Variants in NDST4 observed in about 807,000 individuals in gnomAD.
The protein encoded by NDST4 is N-heparan sulfate sulfotransferase 4.
In NDST4, 63 loss-of-function variants were observed where a neutral mutation model predicts 100.8. The ratio of observed to expected loss-of-function variants is 0.62; its 90% CI spans 0.51 to 0.77. The LOEUF (loss-of-function observed/expected upper bound fraction) is 0.77. Among genes scored for constraint, NDST4 ranks in the 30% least tolerant of loss-of-function variants. The pLI, the probability that NDST4 is intolerant of heterozygous loss-of-function variation, is 0.00. For synonymous variants in NDST4, 377 were observed against 361.8 expected (o/e 1.04, Z -0.48); for missense variants, 943 against 1,018.4 (o/e 0.93, Z 1.01).
At chr4:115,020,703 A>G (rs1393187763) in intron 2 of NDST4, among the ~76,000 whole-genome samples, 3 of 151,992 alleles carry the variant, frequency 2.0e-5, no homozygotes, top group Non-Finnish European at 4.4e-5. Flanking sequence ...CAATGAAGTC[A>G]AACAAATTAG....
chr4:115,065,648 ACAACTC>A (rs1210725344), intron 2 of NDST4, among the ~76,000 whole-genome samples: 1 of 152,056 alleles, frequency 6.6e-6, no homozygotes, highest in Non-Finnish European at 1.5e-5. Flanking sequence ...TCTCCTCAAA[ACAACTC>A]CCTGGTTCAA....
chr4:114,859,886 T>G (rs1361178190), intron 7 of NDST4, among the ~76,000 whole-genome samples: 1 of 152,230 alleles, frequency 6.6e-6, no homozygotes, highest in Non-Finnish European at 1.5e-5. Context: ...TCTTAAATCA[T>G]TTGCAATGGA....
intron 2 of NDST4, among the ~76,000 whole-genome samples, chr4:115,063,019 T>C (rs973426986): frequency 2.0e-5 from 3 of 151,954 alleles, no homozygotes; most frequent in East Asian, 1.9e-4. Context: ...GCTAAGAATA[T>C]GATACACTTG....
At chr4:115,078,143 G>A (rs1366257840) in intron 1 of NDST4, among the ~76,000 whole-genome samples, 2 of 152,078 alleles carry the variant, frequency 1.3e-5, no homozygotes, top group South Asian at 4.1e-4. Context: ...CCTGAGACTG[G>A]AAAATTTATA....
intron 2 of NDST4, among the ~76,000 whole-genome samples, chr4:115,002,769 A>G (rs191995579): frequency 6.6e-6 from 1 of 152,308 alleles, no homozygotes; most frequent in African/African-American, 2.4e-5. Flanking sequence ...CTATAAAGAC[A>G]CATGCACATG....
chr4:114,947,622 C>A (rs1725894510), intron 4 of NDST4, among the ~76,000 whole-genome samples: 1 of 152,022 alleles, frequency 6.6e-6, no homozygotes, highest in African/African-American at 2.4e-5. Flanking sequence ...ATGGTATTAT[C>A]CAGCCCATTA....
At chr4:114,883,129 G>A (rs1724406627) in intron 6 of NDST4, among the ~76,000 whole-genome samples, 1 of 151,750 alleles carries the variant, frequency 6.6e-6, no homozygotes, top group Non-Finnish European at 1.5e-5. Context: ...AAATGATATA[G>A]TTCAAAAACT....
At chr4:115,035,075 T>A (rs1728204024) in intron 2 of NDST4, among the ~76,000 whole-genome samples, 1 of 152,094 alleles carries the variant, frequency 6.6e-6, no homozygotes, top group Admixed American at 6.6e-5. Context: ...ACTAACACAA[T>A]TTTTCCAAAA....
At chr4:115,056,019 AC>A (rs1728686589) in intron 2 of NDST4, among the ~76,000 whole-genome samples, 2 of 152,182 alleles carry the variant, frequency 1.3e-5, no homozygotes, top group South Asian at 4.1e-4. Flanking sequence ...TAAGGGCATT[AC>A]TGATAATATA....
intron 6 of NDST4, among the ~76,000 whole-genome samples, chr4:114,927,696 C>A: frequency 6.6e-6 from 1 of 151,972 alleles, no homozygotes; most frequent in East Asian, 1.9e-4. Context: ...ATACTAAGTA[C>A]AGAAAACTAT....
At chr4:115,111,800 T>C (rs1237694154) in intron 1 of NDST4, among the ~76,000 whole-genome samples, 1 of 151,852 alleles carries the variant, frequency 6.6e-6, no homozygotes, top group Non-Finnish European at 1.5e-5. Context: ...AGGCCCATTC[T>C]GCTTAGTATT....
intron 4 of NDST4, among the ~76,000 whole-genome samples, chr4:114,948,170 C>T (rs1333193947): frequency 6.6e-6 from 1 of 151,924 alleles, no homozygotes; most frequent in Non-Finnish European, 1.5e-5. Flanking sequence ...TGAGATTTCC[C>T]TTACGAGGCA....
At chr4:114,850,381 G>A (rs1723646851) in intron 8 of NDST4, among the ~76,000 whole-genome samples, 1 of 152,058 alleles carries the variant, frequency 6.6e-6, no homozygotes, top group Non-Finnish European at 1.5e-5. Flanking sequence ...ACATCAAGAG[G>A]CATCTGATAG....
intron 6 of NDST4, among the ~76,000 whole-genome samples, chr4:114,883,693 T>C (rs2126202646): frequency 6.6e-6 from 1 of 152,234 alleles, no homozygotes; most frequent in South Asian, 2.1e-4. Context: ...GGTCCCCAAC[T>C]TTTTTGACAC....
chr4:115,064,102 A>T (rs552612491), intron 2 of NDST4, among the ~76,000 whole-genome samples: 29 of 152,190 alleles, frequency 1.9e-4, no homozygotes, highest in African/African-American at 7.0e-4. Flanking sequence ...TTAAAATTTA[A>T]TTTGCATTAA....
At chr4:115,040,907 A>T (rs568527064) in intron 2 of NDST4, among the ~76,000 whole-genome samples, 184 of 152,184 alleles carry the variant, frequency 1.2e-3, no homozygotes, top group African/African-American at 4.3e-3. Flanking sequence ...ACAAAAAACA[A>T]GTAATTGCCC....
At chr4:114,995,773 A>C (rs1727145589) in intron 2 of NDST4, among the ~76,000 whole-genome samples, 1 of 152,046 alleles carries the variant, frequency 6.6e-6, no homozygotes, top group East Asian at 1.9e-4. Context: ...TATGCAAAAA[A>C]CTTTTTTTTG....
intron 2 of NDST4, among the ~76,000 whole-genome samples, chr4:115,023,289 C>T (rs756353746): frequency 2.9e-4 from 44 of 151,998 alleles, no homozygotes; most frequent in Admixed American, 2.6e-4. Context: ...AGTTCGAGAC[C>T]AGCCTGACCA....
chr4:114,980,463 G>A (rs563629184), intron 2 of NDST4, among the ~76,000 whole-genome samples: 20 of 151,830 alleles, frequency 1.3e-4, no homozygotes, highest in Admixed American at 6.6e-5. Context: ...CCCACATGGT[G>A]AAACCCCTTC....
Sources: allele counts gnomAD v4.1 joint callset (sites outside exome capture counted in the v4.1 genomes callset), GRCh38; gene constraint gnomAD v4.1.1; transcripts MANE v1.5; gene names NCBI Gene and HGNC (gene_info 2026-07-23, HGNC 2026-07-21).